FAM78B: variants seen among roughly 807,000 people sequenced by gnomAD.
FAM78B encodes the protein family with sequence similarity 78 member B.
Under a neutral mutation model 20.0 loss-of-function variants are expected in FAM78B, and 10 were observed. The ratio of observed to expected loss-of-function variants is 0.50; its 90% confidence interval spans 0.31 to 0.85. The LOEUF (loss-of-function observed/expected upper bound fraction) is 0.85. Ranked by LOEUF, FAM78B falls within the 40% of genes least tolerant of loss-of-function variation. The pLI is 0.05. For synonymous variants in FAM78B, 135 were observed against 132.8 expected (o/e 1.02, Z -0.12); for missense variants, 283 against 345.0 (o/e 0.82, Z 1.42).
intron 1 of FAM78B, among the ~76,000 whole-genome samples, chr1:166,142,629 G>C (rs542086022): frequency 1.6e-4 from 24 of 152,124 alleles, no homozygotes; most frequent in Non-Finnish European, 2.8e-4. Context: ...TTCAGGTTTG[G>C]GTATAATCTT....
intron 1 of FAM78B, among the ~76,000 whole-genome samples, chr1:166,121,324 C>T (rs1654458707): frequency 6.6e-6 from 1 of 152,142 alleles, no homozygotes; most frequent in African/African-American, 2.4e-5. Flanking sequence ...TGTCTACACC[C>T]TCACCTCGGT....
intron 1 of FAM78B, among the ~76,000 whole-genome samples, chr1:166,161,257 G>C (rs760515507): frequency 4.6e-5 from 7 of 151,428 alleles, no homozygotes; most frequent in South Asian, 2.1e-4. Flanking sequence ...AGCAATTCTC[G>C]TGCCTCAGCC....
chr1:166,106,027 TA>T (rs1653766565), intron 1 of FAM78B, among the ~76,000 whole-genome samples: 1 of 150,138 alleles, frequency 6.7e-6, no homozygotes, highest in African/African-American at 2.5e-5. Context: ...TATGCAGCCA[TA>T]AAAAATGATG....
chr1:166,091,744 T>A (rs1275154609), intron 1 of FAM78B, among the ~76,000 whole-genome samples: 1 of 152,228 alleles, frequency 6.6e-6, no homozygotes, highest in African/African-American at 2.4e-5. Flanking sequence ...ATGGACTTAG[T>A]ACCTTACATT....
chr1:166,132,763 C>T (rs934289104), intron 1 of FAM78B, among the ~76,000 whole-genome samples: 2 of 152,202 alleles, frequency 1.3e-5, no homozygotes, highest in Admixed American at 1.3e-4. Flanking sequence ...GATAATACTA[C>T]ATCAGCTAAG....
intron 1 of FAM78B, among the ~76,000 whole-genome samples, chr1:166,157,933 T>C (rs1409136386): frequency 6.6e-6 from 1 of 152,150 alleles, no homozygotes; most frequent in Non-Finnish European, 1.5e-5. Flanking sequence ...CCCTGCTGTC[T>C]TTACTCCTGG....
chr1:166,119,802 C>T (rs1457691312), intron 1 of FAM78B, among the ~76,000 whole-genome samples: 4 of 152,252 alleles, frequency 2.6e-5, no homozygotes, highest in African/African-American at 9.6e-5. Context: ...ACGAGACTCC[C>T]TGAAGCCTTG....
intron 1 of FAM78B, among the ~76,000 whole-genome samples, chr1:166,086,019 G>A (rs572651666): frequency 6.4e-4 from 98 of 152,098 alleles, no homozygotes; most frequent in Admixed American, 6.5e-4. Context: ...AAGGCTTCCA[G>A]GCAGTCTACT....
intron 1 of FAM78B, among the ~76,000 whole-genome samples, chr1:166,099,809 C>T (rs1445402981): frequency 6.6e-6 from 1 of 152,140 alleles, no homozygotes; most frequent in Non-Finnish European, 1.5e-5. Flanking sequence ...ATGAGACAGA[C>T]AACAACACAA....
At chr1:166,107,844 C>T (rs1653847319) in intron 1 of FAM78B, among the ~76,000 whole-genome samples, 1 of 152,052 alleles carries the variant, frequency 6.6e-6, no homozygotes, top group Non-Finnish European at 1.5e-5. Context: ...TTAACATACA[C>T]AAGACAATAA....
intron 1 of FAM78B, among the ~76,000 whole-genome samples, chr1:166,088,279 C>T (rs1652916257): frequency 6.6e-6 from 1 of 152,180 alleles, no homozygotes; most frequent in Admixed American, 6.5e-5. Context: ...TTCAGGAGCC[C>T]ATCAACGCTG....
At chr1:166,057,986 A>G (rs1208275395) in exon 3 of FAM78B, 1 of 151,478 alleles carries the variant, frequency 6.6e-6, no homozygotes, top group Non-Finnish European at 1.5e-5. Flanking sequence ...TCATTTTTAA[A>G]GATAGGGCCA....
chr1:166,076,534 A>G (rs1266945253), intron 1 of FAM78B, among the ~76,000 whole-genome samples: 2 of 152,066 alleles, frequency 1.3e-5, no homozygotes, highest in Non-Finnish European at 2.9e-5. Context: ...CCCATCCCAC[A>G]TCTCTGCTTT....
intron 1 of FAM78B, among the ~76,000 whole-genome samples, chr1:166,097,461 G>T (rs919412096): frequency 6.6e-6 from 1 of 152,176 alleles, no homozygotes; most frequent in Non-Finnish European, 1.5e-5. Context: ...ATAGCCAGGG[G>T]CAGGTTTTCA....
rs576567499 is a variant in FAM78B, at chr1:166,144,178, A to G, written c.263+21808T>C. ...GCCCACTTCAATTATTTAGGAGATG[A>G]ACGCCAAACTCTAAATTTCCTGTCA... On this transcript the variant is annotated intron_variant, in intron 1 of 1. Transcript: ENST00000354422. 3.3e-5 allele frequency among the ~76,000 whole-genome samples: 5 copies of G among 152,260 alleles called. No homozygotes were observed. In the South Asian group the frequency reaches 1.0e-3, roughly 32 times the overall value.
intron 1 of FAM78B, chr1:166,165,067 C>CGCGGCGATCCTTGGTCTTCA (rs1326323803): frequency 2.6e-5 from 4 of 152,174 alleles, no homozygotes; most frequent in Non-Finnish European, 4.4e-5. Context: ...GTTGAGGAGC[C>CGCGGCGATCCTTGGTCTTCA]GCGGCGATCC....
rs41269662 is a variant in FAM78B at position 166,070,661 on chromosome 1, C to G, written c.366G>C (p.Val122=). ...TCTTGTTGGTGGGGCCAACCAGGGTCACAGTTTCTGTGGTGTTCCCGTACC... is the reference window on the plus strand; with the variant it reads ...TCTTGTTGGTGGGGCCAACCAGGGTGACAGTTTCTGTGGTGTTCCCGTACC... The part of the protein sequence containing the change: ...YPWYGNTTET[V]TLVGPTNKIS... Residue 122 remains valine, a synonymous_variant, in exon 2 of 2, where the codon GTG becomes GTC. Transcript: ENST00000354422. 0.15 allele frequency: 245,246 copies of G among 1,613,288 alleles called. 21,189 individuals carry two copies. Among genetic ancestry groups the G allele is most frequent in the Admixed American group, 0.33 (19,698 of 59,984 alleles).
At chr1:166,123,777 C>A (rs1263236813) in intron 1 of FAM78B, among the ~76,000 whole-genome samples, 1 of 152,144 alleles carries the variant, frequency 6.6e-6, no homozygotes, top group Non-Finnish European at 1.5e-5. Context: ...TTTAGAGACC[C>A]ACAACCACAC....
chr1:166,165,245 T>G (rs778513656), intron 1 of FAM78B: 6 of 152,304 alleles, frequency 3.9e-5, no homozygotes, highest in Non-Finnish European at 8.8e-5. Context: ...AGACAAGAGA[T>G]CCATCCTTTC....
Sources: allele counts gnomAD v4.1 joint callset (sites outside exome capture counted in the v4.1 genomes callset), GRCh38; gene constraint gnomAD v4.1.1; transcripts MANE v1.5; gene names NCBI Gene and HGNC (gene_info 2026-07-23, HGNC 2026-07-21).